IL10RB: variants seen among roughly 807,000 people sequenced by gnomAD.
IL10RB encodes interleukin 10 receptor subunit beta.
IL10RB carries 30 observed loss-of-function variants against 38.7 expected under a neutral mutation model. The ratio of observed to expected loss-of-function variants is 0.78; its 90% CI spans 0.58 to 1.05. The LOEUF is 1.05. IL10RB is among the 50% of genes least tolerant of loss of function. IL10RB has a pLI of 0.00. For missense variants in IL10RB, 328 were observed against 397.1 expected (o/e 0.83, Z 1.48); for synonymous variants, 142 against 145.9 (o/e 0.97, Z 0.19).
At chr21:33,284,624 G>C (rs1761842118) in intron 5 of IL10RB, among the ~76,000 whole-genome samples, 1 of 152,142 alleles carries the variant, frequency 6.6e-6, no homozygotes, top group Admixed American at 6.5e-5. Flanking sequence ...GCGCCTGGTG[G>C]GAGGTGACGG....
rs45469692 is a variant in IL10RB at position 33,283,241 on chromosome 21, G to A, written c.646G>A (p.Glu216Lys). 117 of 1,613,468 alleles carry A rather than the reference G, an allele frequency of 7.3e-5. No individual in the cohort carries two copies. In the Middle Eastern group the frequency reaches 8.9e-4, roughly 12 times the overall value. The change falls in exon 5 of 7, where the codon GAA becomes AAA. Residue 216 changes from glutamate (E) to lysine (K), a missense_variant and splice_region_variant. Coordinates refer to ENST00000290200, the MANE Select transcript of IL10RB (RefSeq NM_000628.5). ...EPVCEQTTHD[E>K]TVPSWMVAVI... is the part of the protein sequence containing the mutation. ...TGTCTGTGAGCAAACAACCCATGAC[G>A]GTAAGCCCTGAGATGCACCTCCGCT...
chr21:33,305,213 A>G (rs1315966892), intron 1 of IL10RB, among the ~76,000 whole-genome samples: 1 of 152,072 alleles, frequency 6.6e-6, no homozygotes, highest in Non-Finnish European at 1.5e-5. Flanking sequence ...GGCTCAGGTG[A>G]TTATCCCACC....
chr21:33,271,819 G>A (rs947813228), intron 2 of IL10RB, among the ~76,000 whole-genome samples: 1 of 151,978 alleles, frequency 6.6e-6, no homozygotes, highest in Non-Finnish European at 1.5e-5. Flanking sequence ...TAGTTTAAAA[G>A]AAGGAAATGG....
At chr21:33,288,371 A>ACG (rs34713650) in intron 6 of IL10RB, 110 bp downstream of exon 6, 205 of 731,102 alleles carry the variant, frequency 2.8e-4, no homozygotes, top group African/African-American at 1.7e-3. Flanking sequence ...GAAAACACAC[A>ACG]CGCGCGCGCG....
intron 3 of IL10RB, among the ~76,000 whole-genome samples, chr21:33,277,837 A>AT (rs780376026): frequency 3.3e-5 from 5 of 150,026 alleles, no homozygotes; most frequent in African/African-American, 4.9e-5. Flanking sequence ...GCCCAGCTAA[A>AT]TTTTTTTGTA....
At chr21:33,277,196 G>A (rs1406094269) in intron 3 of IL10RB, among the ~76,000 whole-genome samples, 1 of 152,064 alleles carries the variant, frequency 6.6e-6, no homozygotes, top group Non-Finnish European at 1.5e-5. Context: ...ACAGAGGGAG[G>A]GATAGGGCTG....
intron 1 of IL10RB, among the ~76,000 whole-genome samples, chr21:33,303,161 T>TCTCTCCC (rs1177880060): frequency 1.3e-5 from 2 of 152,092 alleles, no homozygotes; most frequent in Non-Finnish European, 2.9e-5. Context: ...TTCCTACTCC[T>TCTCTCCC]GGCCCTGTCC....
chr21:33,294,457 T>C (rs1462975805), intron 6 of IL10RB, among the ~76,000 whole-genome samples: 2 of 151,974 alleles, frequency 1.3e-5, no homozygotes, highest in Non-Finnish European at 2.9e-5. Context: ...TTAATACACC[T>C]TCCTTTGATC....
intron 5 of IL10RB, among the ~76,000 whole-genome samples, chr21:33,286,999 GT>G (rs1989386280): frequency 6.6e-6 from 1 of 152,184 alleles, no homozygotes; most frequent in Non-Finnish European, 1.5e-5. Flanking sequence ...GTGAACCGGT[GT>G]TTATCAAGGC....
intron 5 of IL10RB, 55 bp downstream of exon 5, chr21:33,283,296 G>T (rs1048748188): frequency 1.3e-6 from 2 of 1,549,286 alleles, no homozygotes; most frequent in Non-Finnish European, 1.8e-6. Flanking sequence ...ATAGACACCT[G>T]CCCTAGACAT....
chr21:33,307,109 C>T (rs1392492284), intron 1 of IL10RB, among the ~76,000 whole-genome samples: 2 of 152,184 alleles, frequency 1.3e-5, no homozygotes, highest in Non-Finnish European at 2.9e-5. Flanking sequence ...CCCCTTCTCT[C>T]CTCATTCTGC....
exon 2 of IL10RB, chr21:33,309,115 C>A (rs960185863): frequency 1.3e-5 from 2 of 152,218 alleles, no homozygotes; most frequent in Non-Finnish European, 2.9e-5. Context: ...AGAGACAAAT[C>A]TGCCACTTCT....
downstream of IL10RB, among the ~76,000 whole-genome samples, chr21:33,297,821 A>AAAAG (rs933638470): frequency 4.0e-5 from 6 of 151,096 alleles, no homozygotes; most frequent in East Asian, 1.9e-4. Context: ...CTGTCAAAAA[A>AAAAG]AAAGAAAGAA....
intron 2 of IL10RB, among the ~76,000 whole-genome samples, chr21:33,269,109 C>G (rs1345789681): frequency 6.6e-6 from 1 of 152,228 alleles, no homozygotes; most frequent in Non-Finnish European, 1.5e-5. Flanking sequence ...AAGACAGCTA[C>G]TGACTGTTAA....
intron 6 of IL10RB, among the ~76,000 whole-genome samples, chr21:33,289,725 G>A (rs1363572410): frequency 6.6e-6 from 1 of 152,142 alleles, no homozygotes; most frequent in Non-Finnish European, 1.5e-5. Context: ...AAGTTTATCG[G>A]GCCTTGTTTC....
chr21:33,269,773 C>T (rs988772765), intron 2 of IL10RB, among the ~76,000 whole-genome samples: 1 of 151,984 alleles, frequency 6.6e-6, no homozygotes, highest in Non-Finnish European at 1.5e-5. Flanking sequence ...ATTCTCCTGC[C>T]TCAGCCTCCC....
intron 1 of IL10RB, among the ~76,000 whole-genome samples, chr21:33,304,374 C>A (rs574078214): frequency 6.6e-6 from 1 of 152,286 alleles, no homozygotes; most frequent in South Asian, 2.1e-4. Context: ...ATTCAAACAC[C>A]GAGTCAGCCG....
At chr21:33,294,112 C>G in intron 6 of IL10RB, 1 of 467,396 alleles carries the variant, frequency 2.1e-6, no homozygotes, top group Non-Finnish European at 4.4e-6. Context: ...CAGACTTGAC[C>G]GTGGAGCCAG....
At chr21:33,287,999 A>AC (rs1989406022) in intron 5 of IL10RB, 105 bp from the exon 6 acceptor site, 2 of 1,117,162 alleles carry the variant, frequency 1.8e-6, no homozygotes, top group African/African-American at 3.1e-5. Flanking sequence ...CCCCCAAGAT[A>AC]AACGTACAGG....
Sources: allele counts gnomAD v4.1 joint callset (sites outside exome capture counted in the v4.1 genomes callset), GRCh38; gene constraint gnomAD v4.1.1; transcripts MANE v1.5; gene names NCBI Gene and HGNC (gene_info 2026-07-23, HGNC 2026-07-21).